The following TPST1 variants were observed in gnomAD, a reference collection of about 807,000 sequenced individuals.
The protein encoded by TPST1 is tyrosylprotein sulfotransferase 1.
Under a neutral mutation model 34.8 loss-of-function variants are expected in TPST1, and 20 were observed. The observed-to-expected ratio is 0.57, with a 90% confidence interval of 0.40 to 0.84. The LOEUF (loss-of-function observed/expected upper bound fraction) is 0.84. TPST1 is among the 40% of genes least tolerant of loss of function. TPST1 has a pLI of 0.00. For missense variants in TPST1, 353 were observed against 455.5 expected, an observed-to-expected ratio of 0.78 and a Z score of 2.05; for synonymous variants, 152 against 159.4, an observed-to-expected ratio of 0.95 and a Z score of 0.35.
chr7:66,349,819 C>CA (rs1349467559), intron 3 of TPST1, among the ~76,000 whole-genome samples: 16 of 151,914 alleles, frequency 1.1e-4, no homozygotes, highest in African/African-American at 2.2e-4. Context: ...AAAACAACAA[C>CA]AACAAAAAAC....
rs1790002306 is a variant in TPST1, at chr7:66,240,348, G to T, written c.-78G>T. On this transcript the variant is annotated 5_prime_UTR_variant, in exon 2 of 6. It removes the in-frame stop codon of an upstream open reading frame in the 5' UTR. Transcript: ENST00000304842. ...AGATGTTGGTTATCTTTCTGAAGTA[G>T]ACTGTCCATGGCCTGAACATTTTCC... is the stretch of plus-strand genomic sequence containing the variant. The T allele has an allele frequency of 4.0e-6, 6 of 1,501,416 alleles. No homozygotes were observed. The highest frequency in any genetic ancestry group is 1.3e-5 in the South Asian group (1 of 74,300). The allele number at this position is 1,501,416 out of a possible 1,614,324, so 93.0% of individuals were successfully genotyped here. A position where few individuals can be genotyped will look rare whatever the true frequency, so the allele number is the denominator to read the frequency against.
intron 3 of TPST1, among the ~76,000 whole-genome samples, chr7:66,313,414 C>A (rs1396801822): frequency 6.6e-6 from 1 of 151,118 alleles, no homozygotes; most frequent in Non-Finnish European, 1.5e-5. Flanking sequence ...GACTTGATCT[C>A]AAAAAAAATA....
At chr7:66,323,450 T>G (rs1035052378) in intron 3 of TPST1, among the ~76,000 whole-genome samples, 5 of 152,242 alleles carry the variant, frequency 3.3e-5, no homozygotes, top group Non-Finnish European at 7.3e-5. Flanking sequence ...GCCCAGTGTT[T>G]TTTTCTGTGT....
intron 1 of TPST1, among the ~76,000 whole-genome samples, chr7:66,223,621 T>C (rs929240405): frequency 2.0e-5 from 3 of 152,108 alleles, no homozygotes; most frequent in Non-Finnish European, 2.9e-5. Context: ...ATCTAAAAGA[T>C]AAATAGTTTA....
At chr7:66,201,573 C>A (rs556381674), upstream of TPST1, among the ~76,000 whole-genome samples, 3 of 151,996 alleles carry the variant, frequency 2.0e-5, no homozygotes, top group South Asian at 6.2e-4. Flanking sequence ...CACCTGTAAT[C>A]CCAGCTACTC....
chr7:66,359,282 G>A (rs1253771947), intron 5 of TPST1: 2 of 143,034 alleles, frequency 1.4e-5, no homozygotes, highest in South Asian at 2.3e-4. Flanking sequence ...CACATGAGGA[G>A]GAATCAGGGT....
Position 66,360,103 on chromosome 7 carries a change from C to T in TPST1, c.*238C>T, listed in dbSNP as rs1217755692. 1 of 373,992 alleles carries T rather than the reference C, an allele frequency of 2.7e-6. No homozygotes were observed. The highest frequency in any genetic ancestry group is 5.4e-6 in the Non-Finnish European group (1 of 185,192). 23.2% of individuals were successfully genotyped at this position (373,992 alleles called of 1,614,324 possible). A position where few individuals can be genotyped will look rare whatever the true frequency, so the allele number is the denominator to read the frequency against. On this transcript the variant is annotated 3_prime_UTR_variant, in exon 6 of 6. Transcript: ENST00000304842. ...CTCTTGATCCCGATTTCATGCACAG[C>T]CCTGCAGTAAGGAGCCCAGAAGGAA...
chr7:66,250,167 C>T (rs974626136), intron 2 of TPST1, among the ~76,000 whole-genome samples: 1 of 152,152 alleles, frequency 6.6e-6, no homozygotes, highest in Non-Finnish European at 1.5e-5. Flanking sequence ...GTATGCTGAG[C>T]TCTCTGTGTG....
At chr7:66,336,861 GA>G (rs1202137115) in intron 3 of TPST1, among the ~76,000 whole-genome samples, 6 of 152,136 alleles carry the variant, frequency 3.9e-5, no homozygotes, top group Non-Finnish European at 7.4e-5. Flanking sequence ...CAAGAGAAAA[GA>G]AATGTGTCCC....
chr7:66,275,621 A>ATTT (rs1450653381), intron 2 of TPST1, among the ~76,000 whole-genome samples: 1 of 152,232 alleles, frequency 6.6e-6, no homozygotes, highest in Non-Finnish European at 1.5e-5. Context: ...TAAGCCAGGC[A>ATTT]TGGAAAGACA....
chr7:66,356,890 T>G lies in TPST1; in HGVS notation c.*29+19T>G, dbSNP rs1233471251. 1 of 1,613,634 alleles carries G rather than the reference T, an allele frequency of 6.2e-7. No individual in the cohort carries two copies. The highest frequency in any genetic ancestry group is 1.1e-5 in the South Asian group (1 of 90,994). ...ACATGAGGTGAGGGTTGGGGGACAT[T>G]GCCAGGTCTTTCTGTTTCCCACTCG... On this transcript the variant is annotated intron_variant, in intron 5 of 5. Coordinates refer to ENST00000304842, the MANE Select transcript of TPST1 (RefSeq NM_003596.4).
At chr7:66,224,971 G>GTAATGGCA (rs201362104) in intron 1 of TPST1, among the ~76,000 whole-genome samples, 31,266 of 130,274 alleles carry the variant, frequency 0.24, 3,727 homozygotes, top group East Asian at 0.36. Flanking sequence ...AGGCTGGAGT[G>GTAATGGCA]CAATGGCACG....
intron 2 of TPST1, among the ~76,000 whole-genome samples, chr7:66,285,853 A>C (rs1333472610): frequency 6.6e-6 from 1 of 152,192 alleles, no homozygotes; most frequent in Non-Finnish European, 1.5e-5. Flanking sequence ...TTTATTCTGT[A>C]ATATTGAATC....
At chr7:66,301,344 T>G (rs1170508417) in intron 3 of TPST1, among the ~76,000 whole-genome samples, 1 of 152,236 alleles carries the variant, frequency 6.6e-6, no homozygotes, top group Non-Finnish European at 1.5e-5. Flanking sequence ...TCTAGTCCAC[T>G]AAAACTTTTG....
intron 2 of TPST1, among the ~76,000 whole-genome samples, chr7:66,242,014 G>T (rs2116414257): frequency 6.6e-6 from 1 of 152,298 alleles, no homozygotes; most frequent in South Asian, 2.1e-4. Flanking sequence ...ATCCATACAA[G>T]AAGTTCCTTG....
At chr7:66,274,185 G>A (rs1049880099) in intron 2 of TPST1, among the ~76,000 whole-genome samples, 1 of 151,570 alleles carries the variant, frequency 6.6e-6, no homozygotes, top group Non-Finnish European at 1.5e-5. Flanking sequence ...TGGCTAACAC[G>A]GTGAAACCCC....
intron 3 of TPST1, among the ~76,000 whole-genome samples, chr7:66,347,322 C>T (rs542661020): frequency 6.6e-6 from 1 of 152,100 alleles, no homozygotes; most frequent in Non-Finnish European, 1.5e-5. Flanking sequence ...CTGGCCTTGA[C>T]TTACTAAAGT....
intron 1 of TPST1, among the ~76,000 whole-genome samples, chr7:66,231,900 C>CT (rs1789805268): frequency 6.6e-6 from 1 of 152,238 alleles, no homozygotes; most frequent in African/African-American, 2.4e-5. Flanking sequence ...GCTGTCATCT[C>CT]TCACTATCAC....
intron 3 of TPST1, among the ~76,000 whole-genome samples, chr7:66,336,924 T>C (rs1265055729): frequency 2.0e-5 from 3 of 152,154 alleles, no homozygotes; most frequent in Non-Finnish European, 4.4e-5. Flanking sequence ...AGAAACCCTG[T>C]AGGCCAGCAA....
Sources: allele counts gnomAD v4.1 joint callset (sites outside exome capture counted in the v4.1 genomes callset), GRCh38; gene constraint gnomAD v4.1.1; transcripts MANE v1.5; gene names NCBI Gene and HGNC (gene_info 2026-07-23, HGNC 2026-07-21).